Variants in ZSWIM5 observed in about 807,000 individuals in gnomAD.
ZSWIM5 encodes the protein zinc finger SWIM-type containing 5.
Under a neutral mutation model 119.6 loss-of-function variants are expected in ZSWIM5, and 55 were observed. The ratio of observed to expected loss-of-function variants is 0.46; its 90% CI spans 0.37 to 0.58. The LOEUF (loss-of-function observed/expected upper bound fraction) is 0.58, where lower values mean the gene tolerates loss of function less well. Among genes scored for constraint, ZSWIM5 ranks in the 20% least tolerant of loss-of-function variants. The pLI is 0.00. For missense variants in ZSWIM5, 1,193 were observed against 1,512.8 expected (o/e 0.79, Z 3.51); for synonymous variants, 537 against 606.9 (o/e 0.88, Z 1.69).
intron 1 of ZSWIM5, among the ~76,000 whole-genome samples, chr1:45,159,314 G>T (rs1286585576): frequency 6.6e-6 from 1 of 151,906 alleles, no homozygotes; most frequent in Non-Finnish European, 1.5e-5. Flanking sequence ...TCCAAATTCT[G>T]CCCACTTAAC....
chr1:45,039,419 TCTATCGCCCAGGCCAGAGTG>T (rs1341339757), intron 7 of ZSWIM5, among the ~76,000 whole-genome samples: 2 of 152,246 alleles, frequency 1.3e-5, no homozygotes, highest in Non-Finnish European at 2.9e-5. Context: ...AGAGTCTCGC[TCTATCGCCCAGGCCAGAGTG>T]CAGTGGCGTG....
At chr1:45,035,872 C>T in intron 9 of ZSWIM5, 49 bp from the exon 10 acceptor site, 2 of 1,602,648 alleles carry the variant, frequency 1.2e-6, no homozygotes, top group South Asian at 2.2e-5. Flanking sequence ...CTTCCATCTG[C>T]CAGCCTGGAC....
chr1:45,069,381 G>A (rs879463638), intron 2 of ZSWIM5, among the ~76,000 whole-genome samples: 16 of 151,202 alleles, frequency 1.1e-4, no homozygotes, highest in African/African-American at 2.9e-4. Flanking sequence ...AGCCAAGATC[G>A]TGCCACTGCA....
At chr1:45,205,391 C>T (rs1323870451) in intron 1 of ZSWIM5, among the ~76,000 whole-genome samples, 1 of 152,120 alleles carries the variant, frequency 6.6e-6, no homozygotes, top group African/African-American at 2.4e-5. Context: ...ACCGCTTGTT[C>T]CAGATTTACT....
At chr1:45,045,909 T>C (rs1645050725) in intron 5 of ZSWIM5, among the ~76,000 whole-genome samples, 1 of 151,964 alleles carries the variant, frequency 6.6e-6, no homozygotes. Flanking sequence ...AGCAAGCTGG[T>C]GTTAGGCAGG....
At chr1:45,065,007 G>A (rs527342492) in intron 2 of ZSWIM5, among the ~76,000 whole-genome samples, 2 of 152,280 alleles carry the variant, frequency 1.3e-5, no homozygotes, top group East Asian at 3.9e-4. Context: ...CAGAGAATAT[G>A]GAATTAGTCA....
At chr1:45,178,156 T>G (rs1306577526) in intron 1 of ZSWIM5, among the ~76,000 whole-genome samples, 2 of 152,040 alleles carry the variant, frequency 1.3e-5, no homozygotes, top group African/African-American at 4.8e-5. Flanking sequence ...CCGGGCACAG[T>G]GGCTCACACC....
intron 1 of ZSWIM5, among the ~76,000 whole-genome samples, chr1:45,110,192 G>A (rs1179761702): frequency 6.6e-6 from 1 of 152,140 alleles, no homozygotes; most frequent in African/African-American, 2.4e-5. Context: ...GTTTAAATTT[G>A]TTTATAAAAC....
chr1:45,132,212 A>C (rs1323822823), intron 1 of ZSWIM5, among the ~76,000 whole-genome samples: 1 of 152,062 alleles, frequency 6.6e-6, no homozygotes, highest in African/African-American at 2.4e-5. Context: ...TTATACAACA[A>C]AAAATAAGAA....
At chr1:45,167,125 A>C (rs1009352840) in intron 1 of ZSWIM5, among the ~76,000 whole-genome samples, 1 of 152,052 alleles carries the variant, frequency 6.6e-6, no homozygotes, top group African/African-American at 2.4e-5. Context: ...CAAAACAGAG[A>C]TATAGACCCA....
At chr1:45,097,592 G>A (rs757811868) in intron 1 of ZSWIM5, among the ~76,000 whole-genome samples, 9 of 152,184 alleles carry the variant, frequency 5.9e-5, no homozygotes, top group Non-Finnish European at 7.3e-5. Context: ...GATTATAGTC[G>A]TGGTAACAGA....
rs573289151 is a variant in ZSWIM5, at chr1:45,086,678, T to C, written c.952+1203A>G. On this transcript the variant is annotated intron_variant, in intron 2 of 13. Coordinates refer to ENST00000359600, the MANE Select transcript of ZSWIM5 (RefSeq NM_020883.2). ...GGATAGCATTAGGAGAAATACCTAA[T>C]GTAAATGATGAGTTAATGGGTGCAG... 9.2e-5 allele frequency among the ~76,000 whole-genome samples: 14 copies of C among 152,102 alleles called. No individual in the cohort carries two copies. The East Asian group carries it at 2.7e-3, about 29-fold the overall frequency.
chr1:45,191,460 C>A (rs530532818), intron 1 of ZSWIM5, among the ~76,000 whole-genome samples: 1 of 152,166 alleles, frequency 6.6e-6, no homozygotes, highest in Non-Finnish European at 1.5e-5. Flanking sequence ...AAAAATACCC[C>A]ACCCAGGGTT....
At chr1:45,033,872 T>C (rs1644966507) in intron 11 of ZSWIM5, among the ~76,000 whole-genome samples, 1 of 152,128 alleles carries the variant, frequency 6.6e-6, no homozygotes, top group South Asian at 2.1e-4. Flanking sequence ...AGGTGCTTTT[T>C]TTTTTTTTGA....
chr1:45,184,601 A>C lies in ZSWIM5; in HGVS notation c.595+21155T>G, dbSNP rs1646045291. On this transcript the variant is annotated intron_variant, in intron 1 of 13. Transcript: ENST00000359600. ...AAAATCACAAGCATTCTTACACACC[A>C]ATAACAGACAAACAGAGAGCCAAAT... Among the ~76,000 whole-genome samples, 3 of 152,250 alleles carry C rather than the reference A, an allele frequency of 2.0e-5. No individual in the cohort carries two copies. The South Asian group carries it at 6.2e-4, about 32-fold the overall frequency.
intron 1 of ZSWIM5, among the ~76,000 whole-genome samples, chr1:45,102,828 T>C (rs544340845): frequency 1.3e-5 from 2 of 152,320 alleles, no homozygotes; most frequent in East Asian, 1.9e-4. Context: ...TTATTTTCCA[T>C]AATGTATGTA....
intron 4 of ZSWIM5, among the ~76,000 whole-genome samples, chr1:45,053,207 C>T (rs1357004337): frequency 6.6e-6 from 1 of 151,182 alleles, no homozygotes; most frequent in Non-Finnish European, 1.5e-5. Flanking sequence ...ATTTATTTTA[C>T]AGTTTAAGAA....
chr1:45,119,952 C>G (rs1223954345), intron 1 of ZSWIM5, among the ~76,000 whole-genome samples: 1 of 152,208 alleles, frequency 6.6e-6, no homozygotes, highest in East Asian at 1.9e-4. Flanking sequence ...CTTTGCACAA[C>G]CATCCTTTCA....
intron 1 of ZSWIM5, among the ~76,000 whole-genome samples, chr1:45,143,450 T>C (rs1246204368): frequency 1.3e-5 from 2 of 152,128 alleles, no homozygotes; most frequent in African/African-American, 4.8e-5. Flanking sequence ...ATACAACAAC[T>C]GTTCATGACT....
Sources: allele counts gnomAD v4.1 joint callset (sites outside exome capture counted in the v4.1 genomes callset), GRCh38; gene constraint gnomAD v4.1.1; transcripts MANE v1.5; gene names NCBI Gene and HGNC (gene_info 2026-07-23, HGNC 2026-07-21).